GRID2: variants seen among roughly 807,000 people sequenced by gnomAD.
The protein encoded by GRID2 is glutamate receptor ionotropic, delta-2.
Under a neutral mutation model 114.8 loss-of-function variants are expected in GRID2, and 33 were observed. That is an observed-to-expected ratio of 0.29 (90% CI 0.22 to 0.38). The LOEUF (loss-of-function observed/expected upper bound fraction) is 0.38. Among genes scored for constraint, GRID2 ranks in the 10% least tolerant of loss-of-function variants. The pLI, the probability that GRID2 is intolerant of heterozygous loss-of-function variation, is 1.00. For missense variants in GRID2, 1,184 were observed against 1,257.7 expected, an observed-to-expected ratio of 0.94 and a Z score of 0.89; for synonymous variants, 505 against 449.9, an observed-to-expected ratio of 1.12 and a Z score of -1.55.
intron 1 of GRID2, among the ~76,000 whole-genome samples, chr4:92,553,600 A>G (rs1373348170): frequency 1.3e-5 from 2 of 152,026 alleles, no homozygotes; most frequent in African/African-American, 4.8e-5. Context: ...TTGACCACTT[A>G]CATCTATTAT....
At chr4:92,770,489 G>C (rs1276373437) in intron 2 of GRID2, among the ~76,000 whole-genome samples, 2 of 152,036 alleles carry the variant, frequency 1.3e-5, no homozygotes, top group Non-Finnish European at 2.9e-5. Context: ...ATTTACTCTA[G>C]TCATCTGTTT....
At chr4:92,704,703 C>CTCTCTCTCTCTCTCTCTCTCTT (rs1579878262) in intron 2 of GRID2, among the ~76,000 whole-genome samples, 15 of 139,824 alleles carry the variant, frequency 1.1e-4, no homozygotes, top group African/African-American at 3.9e-4. Context: ...ATCAATCAAT[C>CTCTCTCTCTCTCTCTCTCTCTT]TCTCTCTCTC....
chr4:92,648,506 G>A (rs1731756956), intron 2 of GRID2, among the ~76,000 whole-genome samples: 1 of 149,584 alleles, frequency 6.7e-6, no homozygotes, highest in African/African-American at 2.5e-5. Context: ...CATGTATCGA[G>A]CATGGCTGTT....
chr4:92,501,688 G>A (rs1329284962), intron 1 of GRID2, among the ~76,000 whole-genome samples: 4 of 152,126 alleles, frequency 2.6e-5, no homozygotes, highest in African/African-American at 9.7e-5. Context: ...TGACCTGGTT[G>A]CTTAGCACTG....
intron 1 of GRID2, among the ~76,000 whole-genome samples, chr4:92,390,880 T>G (rs886194515): frequency 6.6e-6 from 1 of 152,150 alleles, no homozygotes; most frequent in Middle Eastern, 3.2e-3. Context: ...TGTCAAGGAT[T>G]TATGTCTGCT....
chr4:92,392,185 G>T (rs926938294), intron 1 of GRID2, among the ~76,000 whole-genome samples: 1 of 151,900 alleles, frequency 6.6e-6, no homozygotes, highest in African/African-American at 2.4e-5. Flanking sequence ...GATTTATATT[G>T]CCCTGATCCT....
chr4:93,700,170 C>G (rs900274560), intron 14 of GRID2, among the ~76,000 whole-genome samples: 14 of 152,104 alleles, frequency 9.2e-5, no homozygotes, highest in Non-Finnish European at 1.5e-4. Context: ...TTCAAATCTC[C>G]TGCTAAGTGG....
intron 1 of GRID2, among the ~76,000 whole-genome samples, chr4:92,587,232 T>C (rs1279141139): frequency 6.6e-6 from 1 of 151,702 alleles, no homozygotes; most frequent in Non-Finnish European, 1.5e-5. Context: ...ATCATGCTAA[T>C]AAAAATACCT....
At chr4:92,814,532 T>A (rs1003493175) in intron 2 of GRID2, among the ~76,000 whole-genome samples, 7 of 152,056 alleles carry the variant, frequency 4.6e-5, no homozygotes, top group Non-Finnish European at 8.8e-5. Flanking sequence ...TTGTTGGAAA[T>A]GTTTTCCTCT....
chr4:93,712,681 A>G (rs1107026), intron 14 of GRID2, among the ~76,000 whole-genome samples: 86,935 of 151,952 alleles, frequency 0.57, 25,528 homozygotes, highest in East Asian at 0.75. Flanking sequence ...GAAAGTATTC[A>G]ACTGATACAT....
intron 13 of GRID2, among the ~76,000 whole-genome samples, chr4:93,569,403 C>T (rs1039459133): frequency 6.6e-6 from 1 of 152,132 alleles, no homozygotes; most frequent in African/African-American, 2.4e-5. Context: ...GGTTCACCTT[C>T]CAAATTACAT....
At chr4:93,174,973 G>A (rs1345804778) in intron 4 of GRID2, among the ~76,000 whole-genome samples, 3 of 152,186 alleles carry the variant, frequency 2.0e-5, no homozygotes, top group African/African-American at 7.2e-5. Flanking sequence ...TATTTGTCTA[G>A]AGTAAATGTC....
intron 4 of GRID2, among the ~76,000 whole-genome samples, chr4:93,111,314 T>C (rs1732739481): frequency 6.6e-6 from 1 of 152,222 alleles, no homozygotes; most frequent in Admixed American, 6.5e-5. Context: ...GTTAAAATTT[T>C]ACTTCTGAAA....
chr4:93,473,705 A>G (rs1447021041), intron 11 of GRID2, among the ~76,000 whole-genome samples: 1 of 152,174 alleles, frequency 6.6e-6, no homozygotes, highest in Non-Finnish European at 1.5e-5. Context: ...AAATAATACC[A>G]TGTAATGCAA....
chr4:92,314,686 A>G (rs536032488), intron 1 of GRID2, among the ~76,000 whole-genome samples: 3 of 152,260 alleles, frequency 2.0e-5, no homozygotes, highest in South Asian at 2.1e-4. Context: ...CCTTCTGGCT[A>G]TGTGTGTAAG....
chr4:92,710,225 CA>C (rs1444749676), intron 2 of GRID2, among the ~76,000 whole-genome samples: 1 of 151,902 alleles, frequency 6.6e-6, no homozygotes, highest in Non-Finnish European at 1.5e-5. Flanking sequence ...CTGATATGGA[CA>C]AAACTTTTTG....
chr4:93,720,622 C>G (rs1729282982), intron 14 of GRID2, among the ~76,000 whole-genome samples: 1 of 152,086 alleles, frequency 6.6e-6, no homozygotes, highest in Admixed American at 6.6e-5. Context: ...ATTAAATGGA[C>G]CCTGCTTGCA....
intron 14 of GRID2, among the ~76,000 whole-genome samples, chr4:93,741,176 T>C (rs1415210436): frequency 4.3e-5 from 1 of 23,422 alleles, no homozygotes; most frequent in Admixed American, 5.5e-4. Flanking sequence ...TATATATACA[T>C]ATATATATAT....
rs191206017 is a variant in GRID2 at position 92,498,816 on chromosome 4, T to C, written c.89-91315T>C. Among the ~76,000 whole-genome samples, 569 of 151,744 alleles carry C rather than the reference T, an allele frequency of 3.7e-3. 1 individual carries two copies. The highest frequency in any genetic ancestry group is 0.012 in the African/African-American group (507 of 41,460). ...CTCCAAAATATATATTAATATATTA[T>C]TTACCATGCATACATAATCATTCAT... On this transcript the variant is annotated intron_variant, in intron 1 of 15. Coordinates refer to ENST00000282020, the MANE Select transcript of GRID2 (RefSeq NM_001510.4).
Sources: allele counts gnomAD v4.1 joint callset (sites outside exome capture counted in the v4.1 genomes callset), GRCh38; gene constraint gnomAD v4.1.1; transcripts MANE v1.5; gene names NCBI Gene and HGNC (gene_info 2026-07-23, HGNC 2026-07-21).